The following ITPA variants were observed in gnomAD, a reference collection of about 807,000 sequenced individuals.
ITPA encodes inosine triphosphate pyrophosphatase.
ITPA carries 29 observed loss-of-function variants against 29.6 expected under a neutral mutation model. That is an observed-to-expected ratio of 0.98 (90% CI 0.73 to 1.34). The LOEUF (loss-of-function observed/expected upper bound fraction) is 1.34, where lower values mean the gene tolerates loss of function less well. Ranked by LOEUF, ITPA falls within the 40% of genes most tolerant of loss-of-function variation. The pLI, the probability that ITPA is intolerant of heterozygous loss-of-function variation, is 0.00. For synonymous variants in ITPA, 103 were observed against 99.3 expected (o/e 1.04, Z -0.22); for missense variants, 241 against 251.5 (o/e 0.96, Z 0.28).
chr20:3,223,698 G>T lies in ITPA; in HGVS notation c.*236G>T. On this transcript the variant is annotated 3_prime_UTR_variant, in exon 8 of 8. Coordinates refer to ENST00000380113, the MANE Select transcript of ITPA (RefSeq NM_033453.4). ...TCACTGCTCTCTCCTACAGCCGCCA[G>T]GCCTGGGGTCCTGAAAGGACCTTGG... 1.7e-6 allele frequency: 1 copy of T among 577,608 alleles called. No individual in the cohort carries two copies. Among genetic ancestry groups the T allele is most frequent in the Non-Finnish European group, 3.1e-6 (1 of 322,148 alleles). The allele number at this position is 577,608 out of a possible 1,614,324, so 35.8% of individuals were successfully genotyped here.
chr20:3,213,107 C>T, intron 1 of ITPA, 62 bp from the exon 2 acceptor site: 6 of 1,484,984 alleles, frequency 4.0e-6, no homozygotes, highest in Non-Finnish European at 5.6e-6. Context: ...CGGATGACAG[C>T]TCACGTGCTC....
downstream of ITPA, chr20:3,227,384 T>G: frequency 8.1e-6 from 2 of 247,140 alleles, no homozygotes; most frequent in South Asian, 5.1e-5. Flanking sequence ...AGAGTGGGGG[T>G]GGAGTGGCAG....
chr20:3,210,275 A>C (rs1351276790), intron 1 of ITPA, among the ~76,000 whole-genome samples: 1 of 152,200 alleles, frequency 6.6e-6, no homozygotes, highest in Non-Finnish European at 1.5e-5. Flanking sequence ...ATCGTGTCCC[A>C]CAGGACCTGA....
intron 5 of ITPA, among the ~76,000 whole-genome samples, chr20:3,216,060 G>A (rs1006617044): frequency 1.3e-5 from 2 of 151,858 alleles, no homozygotes; most frequent in Non-Finnish European, 2.9e-5. Context: ...CGTCAATCTC[G>A]GCTCACTGCA....
At chr20:3,204,588 G>T (rs2067057810), upstream of ITPA, 3 of 1,579,604 alleles carry the variant, frequency 1.9e-6, no homozygotes, top group South Asian at 3.4e-5. Context: ...AAGCCGACTA[G>T]CAGAGCCGCC....
intron 7 of ITPA, 104 bp from the exon 8 acceptor site, chr20:3,223,262 G>A (rs997076141): frequency 3.6e-6 from 3 of 839,846 alleles, no homozygotes; most frequent in African/African-American, 1.7e-5. Flanking sequence ...CTTTCCTTGG[G>A]GTCTGTGAGC....
chr20:3,214,709 A>G (rs1343712948), intron 4 of ITPA, among the ~76,000 whole-genome samples: 2 of 151,894 alleles, frequency 1.3e-5, no homozygotes, highest in Admixed American at 6.6e-5. Flanking sequence ...CCTCCCGAGT[A>G]GCTGGGACTA....
rs2067370307 is a variant in ITPA at position 3,218,532 on chromosome 20, T to C, written c.311T>C (p.Leu104Pro). ...CCACCCGCAGGTCTCCACCAGCTCCTGGCCGGGTTCGAGGACAAGTCAGCC... is the reference window on the plus strand; with the variant it reads ...CCACCCGCAGGTCTCCACCAGCTCCCGGCCGGGTTCGAGGACAAGTCAGCC... ...KLKPEGLHQL[L>P]AGFEDKSAYA... The change falls in exon 6 of 8, where the codon CTG (leucine) becomes CCG (proline). Residue 104 changes from leucine (L) to proline (P), a missense_variant. Leu to Pro is a moderately conservative substitution (Grantham distance 98). Coordinates refer to ENST00000380113, the MANE Select transcript of ITPA (RefSeq NM_033453.4). The C allele has an allele frequency of 1.9e-6, 3 of 1,613,744 alleles. No homozygotes were observed. The highest frequency in any genetic ancestry group is 2.5e-6 in the Non-Finnish European group (3 of 1,179,974).
intron 1 of ITPA, among the ~76,000 whole-genome samples, chr20:3,212,823 T>C (rs906609514): frequency 1.3e-5 from 2 of 152,130 alleles, no homozygotes; most frequent in African/African-American, 4.8e-5. Context: ...TTTTTCCCAA[T>C]CCATGTTCAT....
At chr20:3,219,868 C>T (rs1246141935) in intron 6 of ITPA, among the ~76,000 whole-genome samples, 1 of 151,758 alleles carries the variant, frequency 6.6e-6, no homozygotes, top group Non-Finnish European at 1.5e-5. Flanking sequence ...GTAACATAGC[C>T]AGACCCTGTC....
downstream of ITPA, among the ~76,000 whole-genome samples, chr20:3,224,157 T>G (rs1157319803): frequency 4.6e-5 from 7 of 152,158 alleles, no homozygotes; most frequent in Non-Finnish European, 7.3e-5. Flanking sequence ...TGCCTTATGC[T>G]GTTACACATC....
chr20:3,209,032 G>C, upstream of ITPA: 1 of 189,482 alleles, frequency 5.3e-6, no homozygotes, highest in Non-Finnish European at 1.1e-5. The surrounding 1 kb of genome is among the most constrained non-coding windows in gnomAD (Gnocchi z 4.6). Flanking sequence ...GAGTGAAAAC[G>C]GGTGAGAAGT....
intron 1 of ITPA, among the ~76,000 whole-genome samples, chr20:3,212,336 T>C (rs1251494110): frequency 2.6e-5 from 4 of 152,144 alleles, no homozygotes; most frequent in Non-Finnish European, 4.4e-5. Flanking sequence ...TTTTTTTTTT[T>C]TGAGACGGAG....
chr20:3,209,142 C>T, upstream of ITPA: 3 of 318,034 alleles, frequency 9.4e-6, no homozygotes, highest in Non-Finnish European at 1.8e-5. The surrounding 1 kb of genome is among the most constrained non-coding windows in gnomAD (Gnocchi z 4.6). Context: ...GGTTTGGAAG[C>T]CCTTGCCTAG....
upstream of ITPA, among the ~76,000 whole-genome samples, chr20:3,205,688 G>A (rs1242958317): frequency 6.6e-6 from 1 of 152,102 alleles, no homozygotes; most frequent in Non-Finnish European, 1.5e-5. Flanking sequence ...GTGATAGAGT[G>A]AGACCCTGTC....
chr20:3,206,828 C>CAA (rs1338065685), upstream of ITPA, among the ~76,000 whole-genome samples: 1 of 83,822 alleles, frequency 1.2e-5, no homozygotes, highest in Non-Finnish European at 2.5e-5. Context: ...GAGACTGTCT[C>CAA]AAAAAAAAAA....
intron 4 of ITPA, among the ~76,000 whole-genome samples, chr20:3,214,287 C>T (rs1480751253): frequency 2.6e-5 from 4 of 151,316 alleles, no homozygotes; most frequent in African/African-American, 9.7e-5. Flanking sequence ...TTGAGAAGTA[C>T]ATTCATAGGT....
At chr20:3,206,828 CAA>C (rs1338065685), upstream of ITPA, among the ~76,000 whole-genome samples, 36 of 83,788 alleles carry the variant, frequency 4.3e-4, no homozygotes, top group African/African-American at 4.6e-4. Flanking sequence ...GAGACTGTCT[CAA>C]AAAAAAAAAA....
chr20:3,219,331 A>G (rs917444473), intron 6 of ITPA, among the ~76,000 whole-genome samples: 6 of 149,128 alleles, frequency 4.0e-5, no homozygotes, highest in Admixed American at 2.8e-4. Context: ...ATTCTTGGCC[A>G]GGTTTGGTGA....
Sources: gnomAD v4.1 joint callset for allele counts (sites outside exome capture counted in the v4.1 genomes callset) on GRCh38, gnomAD v4.1.1 for gene constraint, Gnocchi (gnomAD v3.1) non-coding constraint, MANE v1.5 for transcripts, NCBI Gene and HGNC (gene_info 2026-07-23, HGNC 2026-07-21) for gene names.